Variants in MUC12 observed in about 807,000 individuals in gnomAD.
MUC12 encodes mucin-12.
A neutral mutation model predicts 230.8 loss-of-function variants in MUC12; 172 were observed. The observed-to-expected ratio is 0.75, with a 90% CI of 0.66 to 0.85. The LOEUF is 0.85. Among genes scored for constraint, MUC12 ranks in the 40% least tolerant of loss-of-function variants. MUC12 has a pLI of 0.00. For synonymous variants in MUC12, 1,259 were observed against 2,401.9 expected, an observed-to-expected ratio of 0.52 and a Z score of 13.91; for missense variants, 3,506 against 5,920.6, an observed-to-expected ratio of 0.59 and a Z score of 13.38.
chr7:100,973,116 T>A, intron 1 of MUC12: 1 of 663,960 alleles, frequency 1.5e-6, no homozygotes, highest in Admixed American at 2.1e-5. Flanking sequence ...CTCTGTGGGC[T>A]GAGTAGGGCT....
At position 100,990,870 on chromosome 7, in the gene MUC12, TCA is replaced by T; in HGVS notation, c.308_309del (p.Ser103CysfsTer7). On this transcript the variant is annotated frameshift_variant, in exon 2 of 12. Coordinates refer to ENST00000536621, the MANE Select transcript of MUC12 (RefSeq NM_001164462.2). LOFTEE classifies it high-confidence loss of function. Reference sequence around the variant, plus strand: ...ACTCTTCCCTTCCCACTCTGCAACCTCAGTTTTTGTTGGAGAACCTAAAACCT... The same window carrying T: ...ACTCTTCCCTTCCCACTCTGCAACCTGTTTTTGTTGGAGAACCTAAAACCT... ...TTLFPSHSAT[S>X]VFVGEPKTSP... 4 of 1,537,806 alleles carry T rather than the reference TCA, an allele frequency of 2.6e-6. No individual in the cohort carries two copies. The highest frequency in any genetic ancestry group is 3.5e-6 in the Non-Finnish European group (4 of 1,147,030).
chr7:100,972,508 GCT>G (rs1792928100), intron 1 of MUC12, among the ~76,000 whole-genome samples: 1 of 151,814 alleles, frequency 6.6e-6, no homozygotes, highest in Non-Finnish European at 1.5e-5. Context: ...GGCATCTGTA[GCT>G]TTTTTTTTTT....
rs1484180366 is a variant in MUC12, at chr7:100,990,986, C to T, written c.423C>T (p.Tyr141=). Reference sequence around the variant, plus strand: ...TGAGTGAGAAATCTACCACCTTCTACAGTAGCCCCAGATCACCAGACAGAA... The same window carrying T: ...TGAGTGAGAAATCTACCACCTTCTATAGTAGCCCCAGATCACCAGACAGAA... ...AGLSEKSTTF[Y]SSPRSPDRTL... Residue 141 remains tyrosine (Y), a synonymous_variant, in exon 2 of 12, where the codon TAC becomes TAT. Transcript: ENST00000536621. The T allele has an allele frequency of 8.5e-6, 13 of 1,537,774 alleles. No individual in the cohort carries two copies. The Admixed American group carries it at 2.0e-4, about 23-fold the overall frequency.
In MUC12 at chr7:100,990,907, C is replaced by G. The variant is rs559764350; in HGVS notation, c.344C>G (p.Thr115Ser). 7.2e-6 allele frequency: 11 copies of G among 1,537,712 alleles called. No individual in the cohort carries two copies. The highest frequency in any genetic ancestry group is 8.7e-6 in the Non-Finnish European group (10 of 1,147,016). Reference sequence around the variant, plus strand: ...GGAGAACCTAAAACCTCACCCATCACTTCAGCCTCAATGGAAACAACAGCG... The same window carrying G: ...GGAGAACCTAAAACCTCACCCATCAGTTCAGCCTCAATGGAAACAACAGCG... The part of the protein sequence containing the change: ...FVGEPKTSPI[T>S]SASMETTALP... Residue 115 changes from threonine (T) to serine (S), a missense_variant, in exon 2 of 12, where the codon ACT becomes AGT. Coordinates refer to ENST00000536621, the MANE Select transcript of MUC12 (RefSeq NM_001164462.2).
At position 101,008,336 on chromosome 7, in the gene MUC12, G is replaced by A. The variant is rs990528361; in HGVS notation, c.15059-298G>A. Reference sequence around the variant, plus strand: ...AGACAGGGTCTCACTTTGTTGCCCAGGTAGGTCTTCCCATCTCCCCAATGC... The same window carrying A: ...AGACAGGGTCTCACTTTGTTGCCCAAGTAGGTCTTCCCATCTCCCCAATGC... On this transcript the variant is annotated intron_variant, in intron 3 of 11. Transcript: ENST00000536621. Among the ~76,000 whole-genome samples the A allele has an allele frequency of 2.0e-5, 3 of 151,108 alleles. 1 individual carries two copies. The highest frequency in any genetic ancestry group is 6.7e-3 in the Middle Eastern group (2 of 300).
At position 100,991,135 on chromosome 7, in the gene MUC12, A is replaced by G. The variant is rs1272678632; in HGVS notation, c.572A>G (p.Gln191Arg). 4 of 1,537,702 alleles carry G rather than the reference A, an allele frequency of 2.6e-6. No homozygotes were observed. Among genetic ancestry groups the G allele is most frequent in the African/African-American group, 1.4e-5 (1 of 73,002 alleles). The change falls in exon 2 of 12, where the codon CAG (glutamine) becomes CGG (arginine). Residue 191 changes from glutamine to arginine, a missense_variant. By Grantham distance (43) the Gln-to-Arg change is conservative (BLOSUM62 1). Coordinates refer to ENST00000536621, the MANE Select transcript of MUC12 (RefSeq NM_001164462.2). ...PDSTTMPGVSQESTASHSIPG... is the reference protein window; with the variant it reads ...PDSTTMPGVSRESTASHSIPG... ...AGTACCACCATGCCAGGCGTCAGTC[A>G]GGAATCTACAGCTTCCCACAGCATC...
At chr7:100,970,456 C>T (rs1792850262) in intron 1 of MUC12, among the ~76,000 whole-genome samples, 1 of 144,520 alleles carries the variant, frequency 6.9e-6, no homozygotes, top group Non-Finnish European at 1.5e-5. Context: ...CACTGCACTC[C>T]AGCCTGGGCG....
At chr7:100,970,284 C>T (rs1197601543) in intron 1 of MUC12, among the ~76,000 whole-genome samples, 1 of 152,122 alleles carries the variant, frequency 6.6e-6, no homozygotes, top group Non-Finnish European at 1.5e-5. Context: ...GTTGGGAGTT[C>T]AAGTCCAGCC....
In MUC12 at chr7:101,004,572, T is replaced by G; in HGVS notation, c.14009T>G (p.Phe4670Cys). Residue 4670 changes from phenylalanine (F) to cysteine (C), a missense_variant, in exon 2 of 12, where the codon TTT becomes TGT. Transcript: ENST00000536621. ...CCGGGCTCAATTGCAACAACACACT[T>G]TCCTGAGAGCTCCACAACCTCCGGC... ...SSPGSIATTH[F>C]PESSTTSGRS... The G allele has an allele frequency of 1.3e-6, 2 of 1,536,546 alleles. No homozygotes were observed. The highest frequency in any genetic ancestry group is 1.7e-6 in the Non-Finnish European group (2 of 1,146,596).
Position 101,018,902 on chromosome 7 carries a change from A to C in MUC12, c.*266A>C, listed in dbSNP as rs1181075593. The C allele has an allele frequency of 2.3e-6, 1 of 436,892 alleles. No homozygotes were observed. The highest frequency in any genetic ancestry group is 2.0e-5 in the African/African-American group (1 of 48,854). The allele number at this position is 436,892 out of a possible 1,614,324, so 27.1% of individuals were successfully genotyped here. A position where few individuals can be genotyped will look rare whatever the true frequency, so the allele number is the denominator to read the frequency against. ...CTCCTGGGTGGCTCCCCACTCTGGA[A>C]TTTCCCTACCAATAAAAGCAAATCT... On this transcript the variant is annotated 3_prime_UTR_variant, in exon 12 of 12. Transcript: ENST00000536621.
Position 100,991,164 on chromosome 7 carries a change from G to C in MUC12, c.601G>C (p.Gly201Arg). Residue 201 changes from glycine to arginine, a missense_variant, in exon 2 of 12, where the codon GGC becomes CGC. Gly to Arg is a moderately radical substitution (Grantham distance 125). Coordinates refer to ENST00000536621, the MANE Select transcript of MUC12 (RefSeq NM_001164462.2). ...QESTASHSIP[G>R]STDTTLSPGT... ...ATCTACAGCTTCCCACAGCATCCCC[G>C]GCTCCACAGACACAACACTGTCCCC... is the stretch of plus-strand genomic sequence containing the variant. 6.5e-7 allele frequency: 1 copy of C among 1,537,484 alleles called. No individual in the cohort carries two copies. The highest frequency in any genetic ancestry group is 8.7e-7 in the Non-Finnish European group (1 of 1,146,828).
intron 1 of MUC12, among the ~76,000 whole-genome samples, chr7:100,975,917 G>A (rs1024024017): frequency 1.3e-5 from 2 of 152,302 alleles, no homozygotes; most frequent in African/African-American, 4.8e-5. Context: ...AACTATTTGG[G>A]GTGTGGAAAG....
At chr7:100,976,170 C>CA (rs1563085023) in intron 1 of MUC12, among the ~76,000 whole-genome samples, 1 of 106,982 alleles carries the variant, frequency 9.3e-6, no homozygotes, top group African/African-American at 3.5e-5. Flanking sequence ...CCCAGCTGCT[C>CA]AGGAGGCTGA....
chr7:100,986,964 C>T (rs1793199121), intron 1 of MUC12, among the ~76,000 whole-genome samples: 1 of 151,404 alleles, frequency 6.6e-6, no homozygotes, highest in South Asian at 2.1e-4. Flanking sequence ...ATATGTCCGT[C>T]TTACATAGGA....
chr7:100,977,333 A>G (rs1400021629), intron 1 of MUC12, among the ~76,000 whole-genome samples: 2 of 151,650 alleles, frequency 1.3e-5, no homozygotes, highest in African/African-American at 2.4e-5. Flanking sequence ...ATTCCCTTCA[A>G]ACTCTCTAGA....
At chr7:100,981,281 C>T (rs141715955) in intron 1 of MUC12, 90 of 475,488 alleles carry the variant, frequency 1.9e-4, no homozygotes, top group Middle Eastern at 5.4e-4. Flanking sequence ...CTGTGACATC[C>T]TTTGGGGACA....
chr7:101,007,470 T>C (rs1793772577), intron 3 of MUC12, among the ~76,000 whole-genome samples: 1 of 152,216 alleles, frequency 6.6e-6, no homozygotes, highest in South Asian at 2.1e-4. Context: ...TTATTTGGAC[T>C]TTTAGATTCC....
At position 101,004,561 on chromosome 7, in the gene MUC12, A is replaced by G; in HGVS notation, c.13998A>G (p.Ala4666=). The G allele has an allele frequency of 2.0e-6, 3 of 1,537,354 alleles. No homozygotes were observed. Among genetic ancestry groups the G allele is most frequent in the Non-Finnish European group, 2.6e-6 (3 of 1,146,882 alleles). The change falls in exon 2 of 12, where the codon GCA becomes GCG. Residue 4666 remains alanine, a synonymous_variant. Transcript: ENST00000536621. ...ACCACAGCAGCCCGGGCTCAATTGC[A>G]ACAACACACTTTCCTGAGAGCTCCA... The part of the protein sequence containing the change: ...TSYHSSPGSI[A]TTHFPESSTT...
intron 1 of MUC12, chr7:100,972,155 A>G (rs1379302435): frequency 1.4e-6 from 1 of 703,504 alleles, no homozygotes; most frequent in Non-Finnish European, 2.6e-6. Context: ...CCCAGCAGGT[A>G]GCTCATATAA....
Sources: allele counts gnomAD v4.1 joint callset (sites outside exome capture counted in the v4.1 genomes callset), GRCh38; gene constraint gnomAD v4.1.1; transcripts MANE v1.5; gene names NCBI Gene and HGNC (gene_info 2026-07-23, HGNC 2026-07-21).